The following SLC11A2 variants were observed in gnomAD, a reference collection of about 807,000 sequenced individuals.
SLC11A2 encodes solute carrier family 11 member 2.
A neutral mutation model predicts 68.0 loss-of-function variants in SLC11A2; 38 were observed. The observed-to-expected ratio is 0.56, with a 90% CI of 0.43 to 0.73. The LOEUF (loss-of-function observed/expected upper bound fraction) is 0.73. Among genes scored for constraint, SLC11A2 ranks in the 30% least tolerant of loss-of-function variants. SLC11A2 has a pLI of 0.00. For synonymous variants in SLC11A2, 242 were observed against 250.6 expected (o/e 0.97, Z 0.32); for missense variants, 517 against 690.5 (o/e 0.75, Z 2.82).
At chr12:50,958,282 CTT>C in the SLC11A2 span, among the ~76,000 whole-genome samples, 248 of 133,826 alleles carry the variant, frequency 1.9e-3, 1 homozygote, top group African/African-American at 5.5e-3. Flanking sequence ...CTAAAATAAT[CTT>C]TTTTTTTTTT....
upstream of SLC11A2, among the ~76,000 whole-genome samples, chr12:51,027,856 T>G (rs1344443077): frequency 7.8e-6 from 1 of 128,768 alleles, no homozygotes; most frequent in Non-Finnish European, 1.6e-5. Flanking sequence ...GAGCGTGAAC[T>G]GCAAAGAGAA....
the SLC11A2 span, among the ~76,000 whole-genome samples, chr12:50,970,821 CA>C: frequency 3.3e-5 from 5 of 152,090 alleles, no homozygotes; most frequent in Admixed American, 2.0e-4. Context: ...TCTGCCAAAC[CA>C]ATCTGAAAAA....
At chr12:51,025,769 A>G (rs1944339246) in intron 1 of SLC11A2, 1 of 985,658 alleles carries the variant, frequency 1.0e-6, no homozygotes. Context: ...AAACCAATCT[A>G]CCCACAATTA....
At chr12:51,002,723 C>T (rs1369915590) in intron 5 of SLC11A2, among the ~76,000 whole-genome samples, 1 of 148,988 alleles carries the variant, frequency 6.7e-6, no homozygotes, top group East Asian at 2.0e-4. Flanking sequence ...GGGCAGATCA[C>T]GAGGTCAGGA....
At chr12:50,977,276 T>A (rs917763607), downstream of SLC11A2, among the ~76,000 whole-genome samples, 1 of 152,178 alleles carries the variant, frequency 6.6e-6, no homozygotes, top group African/African-American at 2.4e-5. Flanking sequence ...CAAAACAGCA[T>A]GGTACTGGTG....
chr12:51,004,697 G>A, intron 5 of SLC11A2, 91 bp downstream of exon 5: 1 of 1,453,030 alleles, frequency 6.9e-7, no homozygotes, highest in Non-Finnish European at 9.6e-7. Context: ...GTCCTTGACT[G>A]TCTCACTATA....
At position 50,987,302 on chromosome 12, in the gene SLC11A2, T is replaced by C; in HGVS notation, c.*1023A>G. ...GACAGTGTGCTTTGCAACGGTTAAG[T>C]CCACAGCTCCTGAGATTGCCTCGCA... On this transcript the variant is annotated 3_prime_UTR_variant, in exon 16 of 16. Transcript: ENST00000262052. 7.8e-7 allele frequency: 1 copy of C among 1,287,184 alleles called. No homozygotes were observed. The highest frequency in any genetic ancestry group is 1.0e-6 in the Non-Finnish European group (1 of 988,676). 79.7% of individuals were successfully genotyped at this position (1,287,184 alleles called of 1,614,324 possible). A position where few individuals can be genotyped will look rare whatever the true frequency, so the allele number is the denominator to read the frequency against.
chr12:50,954,000 T>C, the SLC11A2 span: 16 of 1,601,642 alleles, frequency 1.0e-5, no homozygotes, highest in South Asian at 1.6e-4. Flanking sequence ...GAGAAAAAAA[T>C]GTCTTCAGAT....
chr12:51,015,058 G>A (rs1943528709), intron 1 of SLC11A2, among the ~76,000 whole-genome samples: 1 of 151,906 alleles, frequency 6.6e-6, no homozygotes, highest in African/African-American at 2.4e-5. Flanking sequence ...TACTCGGAAC[G>A]CTAAAGCGGG....
the SLC11A2 span, among the ~76,000 whole-genome samples, chr12:50,965,671 C>G: frequency 6.6e-6 from 1 of 152,192 alleles, no homozygotes; most frequent in Non-Finnish European, 1.5e-5. Flanking sequence ...GTAGGCCACA[C>G]TCATTCTACC....
chr12:50,994,082 C>T (rs945701616), intron 11 of SLC11A2, among the ~76,000 whole-genome samples: 1 of 149,880 alleles, frequency 6.7e-6, no homozygotes, highest in Non-Finnish European at 1.5e-5. Context: ...ATTCTGTCGC[C>T]CAGGCTGGAG....
the SLC11A2 span, among the ~76,000 whole-genome samples, chr12:50,960,130 T>C: frequency 2.0e-5 from 3 of 152,218 alleles, no homozygotes; most frequent in African/African-American, 7.2e-5. Flanking sequence ...TACAGAAATA[T>C]TTGTATAGGC....
At chr12:50,995,847 T>C (rs927152324) in intron 9 of SLC11A2, 60 bp from the exon 10 acceptor site, 36 of 1,553,200 alleles carry the variant, frequency 2.3e-5, no homozygotes, top group Non-Finnish European at 2.9e-5. Flanking sequence ...CCTTGTGACA[T>C]TTCAGGAGTT....
At chr12:50,954,921 T>C in the SLC11A2 span, among the ~76,000 whole-genome samples, 1 of 152,172 alleles carries the variant, frequency 6.6e-6, no homozygotes, top group African/African-American at 2.4e-5. Flanking sequence ...GGCTGCTCAG[T>C]GGCCCTCTGT....
intron 1 of SLC11A2, among the ~76,000 whole-genome samples, chr12:51,011,559 T>TG (rs1285995306): frequency 6.7e-6 from 1 of 149,658 alleles, no homozygotes; most frequent in Non-Finnish European, 1.5e-5. Context: ...GTTGTTTTTT[T>TG]TTGTTTTTTT....
At chr12:50,978,907 T>C (rs948247079), downstream of SLC11A2, among the ~76,000 whole-genome samples, 1 of 152,186 alleles carries the variant, frequency 6.6e-6, no homozygotes, top group Non-Finnish European at 1.5e-5. Context: ...TTCATATACC[T>C]GGATACACTC....
At chr12:50,993,073 T>G (rs1941333524) in intron 11 of SLC11A2, 144 bp from the exon 12 acceptor site, 2 of 948,806 alleles carry the variant, frequency 2.1e-6, no homozygotes, top group African/African-American at 1.6e-5. Flanking sequence ...TGCCAGAAGC[T>G]AGGCTCAAGT....
At chr12:51,018,730 C>A (rs1459171483) in intron 1 of SLC11A2, among the ~76,000 whole-genome samples, 1 of 151,066 alleles carries the variant, frequency 6.6e-6, no homozygotes, top group South Asian at 2.1e-4. Context: ...ATCAGGGCAC[C>A]CCAGCCTGGG....
chr12:51,021,542 G>A (rs555255438), intron 1 of SLC11A2, among the ~76,000 whole-genome samples: 50 of 151,818 alleles, frequency 3.3e-4, no homozygotes, highest in African/African-American at 1.2e-3. Context: ...CAGGAGAATC[G>A]CTTGAGCCTG....
Sources: gnomAD v4.1 joint callset for allele counts (sites outside exome capture counted in the v4.1 genomes callset) on GRCh38, gnomAD v4.1.1 for gene constraint, MANE v1.5 for transcripts, NCBI Gene and HGNC (gene_info 2026-07-23, HGNC 2026-07-21) for gene names.